Variants in HS3ST4 observed in about 807,000 individuals in gnomAD.
HS3ST4 encodes heparan sulfate glucosamine 3-O-sulfotransferase 4.
Under a neutral mutation model 29.2 loss-of-function variants are expected in HS3ST4, and 17 were observed. That is an observed-to-expected ratio of 0.58 (90% CI 0.40 to 0.87). The LOEUF is 0.87. Among genes scored for constraint, HS3ST4 ranks in the 40% least tolerant of loss-of-function variants. The probability of loss-of-function intolerance (pLI) is 0.00; values close to 1 mark genes in which losing one functional copy is unlikely to be tolerated. For synonymous variants in HS3ST4, 314 were observed against 285.7 expected, an observed-to-expected ratio of 1.10 and a Z score of -1.00; for missense variants, 627 against 634.5, an observed-to-expected ratio of 0.99 and a Z score of 0.13.
At chr16:26,086,967 C>G (rs1422776844) in intron 1 of HS3ST4, among the ~76,000 whole-genome samples, 2 of 152,218 alleles carry the variant, frequency 1.3e-5, no homozygotes, top group Admixed American at 1.3e-4. Context: ...TTCTCCTCCA[C>G]TTCTCTGCTA....
rs560257864 is a variant in HS3ST4, at chr16:25,811,290, T to C, written c.734+118139T>C. On this transcript the variant is annotated intron_variant, in intron 1 of 1. Transcript: ENST00000331351. Reference sequence around the variant, plus strand: ...GCAAGACCAACCCCTCCTCTTCTCCTTCCTCCTCTTCCTCAGCCTACTCAA... The same window carrying C: ...GCAAGACCAACCCCTCCTCTTCTCCCTCCTCCTCTTCCTCAGCCTACTCAA... Among the ~76,000 whole-genome samples the C allele has an allele frequency of 4.6e-5, 7 of 152,234 alleles. No homozygotes were observed. The South Asian group carries it at 1.0e-3, about 23-fold the overall frequency.
chr16:25,765,070 T>A (rs2141608235), intron 1 of HS3ST4, among the ~76,000 whole-genome samples: 1 of 152,342 alleles, frequency 6.6e-6, no homozygotes, highest in Admixed American at 6.5e-5. Context: ...TTGAGCTCTC[T>A]TGACCATTGG....
At position 25,789,467 on chromosome 16, in the gene HS3ST4, C is replaced by CTTCTTTCT. The variant is rs1181152183; in HGVS notation, c.734+96325_734+96332dup. Among the ~76,000 whole-genome samples, 211 of 29,412 alleles carry CTTCTTTCT rather than the reference C, an allele frequency of 7.2e-3. 4 individuals are homozygous for CTTCTTTCT. The highest frequency in any genetic ancestry group is 0.019 in the African/African-American group (87 of 4,596). The allele number at this position is 29,412 out of a possible 152,430, so 19.3% of individuals were successfully genotyped here. A position where few individuals can be genotyped will look rare whatever the true frequency, so the allele number is the denominator to read the frequency against. ...CCTTCCTTCCTTCCTTCCTTCCTTCCTTCTTTCTTTCTTTCTCTTTCCTTC... is the reference window on the plus strand; with the variant it reads ...CCTTCCTTCCTTCCTTCCTTCCTTCCTTCTTTCTTTCTTTCTTTCTTTCTCTTTCCTTC... On this transcript the variant is annotated intron_variant, in intron 1 of 1. Coordinates refer to ENST00000331351, the MANE Select transcript of HS3ST4 (RefSeq NM_006040.3).
rs1969217032 is a variant in HS3ST4 at position 26,002,160 on chromosome 16, A to G, written c.735-133452A>G. On this transcript the variant is annotated intron_variant, in intron 1 of 1. Transcript: ENST00000331351. Reference sequence around the variant, plus strand: ...TTCTGTAGGATTTTCAGCTTCACATATCTGGCAGGAAATTGGAATTACAGA... The same window carrying G: ...TTCTGTAGGATTTTCAGCTTCACATGTCTGGCAGGAAATTGGAATTACAGA... Among the ~76,000 whole-genome samples, 3 of 152,294 alleles carry G rather than the reference A, an allele frequency of 2.0e-5. No individual in the cohort carries two copies. In the South Asian group the frequency reaches 6.2e-4, roughly 32 times the overall value.
intron 1 of HS3ST4, among the ~76,000 whole-genome samples, chr16:25,832,427 T>C (rs887300841): frequency 2.0e-5 from 3 of 152,196 alleles, no homozygotes; most frequent in Non-Finnish European, 4.4e-5. Context: ...TCAGCTCACT[T>C]TGATGTAATT....
chr16:25,916,563 T>C (rs1968294806), intron 1 of HS3ST4, among the ~76,000 whole-genome samples: 1 of 151,498 alleles, frequency 6.6e-6, no homozygotes, highest in South Asian at 2.1e-4. Context: ...GGTTTCTCCA[T>C]GTTGGTCAGG....
rs530383295 is a variant in HS3ST4, at chr16:26,038,682, G to A, written c.735-96930G>A. On this transcript the variant is annotated intron_variant, in intron 1 of 1. Coordinates refer to ENST00000331351, the MANE Select transcript of HS3ST4 (RefSeq NM_006040.3). ...TGTATGTATGTATGTATGTATGTATGTATGTATTTATTTTTGAGATGGAGT... is the reference window on the plus strand; with the variant it reads ...TGTATGTATGTATGTATGTATGTATATATGTATTTATTTTTGAGATGGAGT... Among the ~76,000 whole-genome samples, 9 of 150,254 alleles carry A rather than the reference G, an allele frequency of 6.0e-5. No homozygotes were observed. The East Asian group carries it at 1.4e-3, about 23-fold the overall frequency.
chr16:25,796,819 C>T (rs925646416), intron 1 of HS3ST4, among the ~76,000 whole-genome samples: 9 of 152,048 alleles, frequency 5.9e-5, no homozygotes, highest in South Asian at 4.1e-4. Context: ...AATTAAGGGG[C>T]GGGTTATTCA....
chr16:25,981,938 A>G (rs1969009496), intron 1 of HS3ST4, among the ~76,000 whole-genome samples: 1 of 152,174 alleles, frequency 6.6e-6, no homozygotes, highest in Non-Finnish European at 1.5e-5. Flanking sequence ...GGCCTCATGA[A>G]ACCTCCTTAA....
At chr16:25,857,743 A>G (rs369321491) in intron 1 of HS3ST4, among the ~76,000 whole-genome samples, 19 of 152,284 alleles carry the variant, frequency 1.2e-4, no homozygotes, top group African/African-American at 4.6e-4. Flanking sequence ...ATGAATACAT[A>G]TAACACACAC....
chr16:25,814,894 C>T (rs773310431), intron 1 of HS3ST4, among the ~76,000 whole-genome samples: 13 of 152,188 alleles, frequency 8.5e-5, no homozygotes, highest in South Asian at 4.1e-4. Flanking sequence ...CATATAGAGA[C>T]GCATCTTCAT....
intron 1 of HS3ST4, among the ~76,000 whole-genome samples, chr16:25,828,505 T>C (rs1484150131): frequency 6.6e-6 from 1 of 151,616 alleles, no homozygotes; most frequent in East Asian, 1.9e-4. Flanking sequence ...CACAGTCAGC[T>C]AGTTTTTGTA....
intron 1 of HS3ST4, among the ~76,000 whole-genome samples, chr16:26,131,033 C>T (rs376522693): frequency 6.6e-6 from 1 of 152,344 alleles, no homozygotes; most frequent in Admixed American, 6.5e-5. Context: ...CTGGCACAGG[C>T]CAACAATGTT....
At chr16:26,130,549 G>A (rs1378815761) in intron 1 of HS3ST4, among the ~76,000 whole-genome samples, 1 of 152,196 alleles carries the variant, frequency 6.6e-6, no homozygotes, top group Non-Finnish European at 1.5e-5. Flanking sequence ...AAGGAACTGA[G>A]ACTAGCCATG....
chr16:25,891,445 C>T (rs1181420899), intron 1 of HS3ST4, among the ~76,000 whole-genome samples: 1 of 152,048 alleles, frequency 6.6e-6, no homozygotes, highest in Admixed American at 6.6e-5. Flanking sequence ...AAGCAGGAAC[C>T]CTTGGAGAGA....
chr16:25,865,915 A>G (rs974064608), intron 1 of HS3ST4, among the ~76,000 whole-genome samples: 1 of 152,188 alleles, frequency 6.6e-6, no homozygotes, highest in Non-Finnish European at 1.5e-5. Flanking sequence ...CTATGGGCAA[A>G]TTTTTTTAAA....
At chr16:25,809,819 G>C (rs1170259882) in intron 1 of HS3ST4, among the ~76,000 whole-genome samples, 5 of 152,018 alleles carry the variant, frequency 3.3e-5, no homozygotes, top group African/African-American at 1.2e-4. Flanking sequence ...AATGATCCCA[G>C]GACCTGCAGT....
intron 1 of HS3ST4, among the ~76,000 whole-genome samples, chr16:26,051,932 TC>T (rs1898353677): frequency 7.6e-6 from 1 of 132,290 alleles, no homozygotes; most frequent in African/African-American, 2.8e-5. Context: ...CTTCCTTCCT[TC>T]CTTCCGTCCT....
intron 1 of HS3ST4, among the ~76,000 whole-genome samples, chr16:26,005,430 G>T (rs146212195): frequency 6.6e-6 from 1 of 152,230 alleles, no homozygotes; most frequent in East Asian, 1.9e-4. Flanking sequence ...ATTGGTTTGT[G>T]TTTAGCATTT....
Sources: allele counts gnomAD v4.1 joint callset (sites outside exome capture counted in the v4.1 genomes callset), GRCh38; gene constraint gnomAD v4.1.1; transcripts MANE v1.5; gene names NCBI Gene and HGNC (gene_info 2026-07-23, HGNC 2026-07-21).